The following ADA variants were observed in gnomAD, a reference collection of about 807,000 sequenced individuals.
ADA encodes the protein adenosine aminohydrolase.
In ADA, 45 loss-of-function variants were observed where a neutral mutation model predicts 49.0. The observed-to-expected ratio is 0.92, with a 90% CI of 0.72 to 1.18. The LOEUF is 1.18. Ranked by LOEUF, ADA falls within the 50% of genes most tolerant of loss-of-function variation. ADA has a pLI of 0.00. For missense variants in ADA, 445 were observed against 472.5 expected (o/e 0.94, Z 0.54); for synonymous variants, 173 against 184.2 (o/e 0.94, Z 0.49).
rs1438032982 is a variant in ADA, at chr20:44,619,746, T to G, written c.*88A>C. The G allele has an allele frequency of 6.5e-6, 10 of 1,547,748 alleles. No homozygotes were observed. The highest frequency in any genetic ancestry group is 5.0e-5 in the Admixed American group (3 of 59,848). ...GTAACTGACTATTGAGATCATGGTC[T>G]TCTTGGAAGGAATAAATGTAAAAAT... is the stretch of plus-strand genomic sequence containing the variant. On this transcript the variant is annotated 3_prime_UTR_variant, in exon 12 of 12. Coordinates refer to ENST00000372874, the MANE Select transcript of ADA (RefSeq NM_000022.4).
rs774510141 is a variant in ADA, at chr20:44,626,471, G to T, written c.347C>A (p.Pro116His). Residue 116 changes from proline to histidine, a missense_variant, in exon 4 of 12, where the codon CCC (proline) becomes CAC (histidine). Transcript: ENST00000372874. ...LLANSKVEPI[P>H]WNQAEGDLTP... Reference sequence around the variant, plus strand: ...CATCACTCACTCAGCCTGGTTCCAGGGGATTGGCTCCACTTTGGAGTTGGC... The same window carrying T: ...CATCACTCACTCAGCCTGGTTCCAGTGGATTGGCTCCACTTTGGAGTTGGC... 6.2e-7 allele frequency: 1 copy of T among 1,613,982 alleles called. No individual in the cohort carries two copies. The highest frequency in any genetic ancestry group is 1.7e-5 in the Admixed American group (1 of 60,022).
Position 44,619,630 on chromosome 20 carries a change from C to T in ADA, c.*204G>A, listed in dbSNP as rs2123504596. On this transcript the variant is annotated 3_prime_UTR_variant, in exon 12 of 12. Transcript: ENST00000372874. ...CATGCCCATGTGCAAGGGCGCTGGT[C>T]CCTGGCCAGGGCACATAATCAGAGA... is the stretch of plus-strand genomic sequence containing the variant. The T allele has an allele frequency of 1.6e-6, 1 of 643,016 alleles. No homozygotes were observed. 39.8% of individuals were successfully genotyped at this position (643,016 alleles called of 1,614,324 possible).
At chr20:44,632,773 A>G (rs58238844) in intron 2 of ADA, among the ~76,000 whole-genome samples, 9,517 of 152,158 alleles carry the variant, frequency 0.063, 638 homozygotes, top group Admixed American at 0.16. Context: ...ACTCACTGCA[A>G]CCTTCACCTC....
At chr20:44,634,798 G>A (rs57860639) in intron 2 of ADA, among the ~76,000 whole-genome samples, 54 of 152,342 alleles carry the variant, frequency 3.5e-4, no homozygotes, top group Admixed American at 2.9e-3. Context: ...GCAACCCCCC[G>A]GGATCCCTCA....
At chr20:44,630,468 A>C (rs561970817) in intron 2 of ADA, among the ~76,000 whole-genome samples, 1 of 152,366 alleles carries the variant, frequency 6.6e-6, no homozygotes, top group East Asian at 1.9e-4. Flanking sequence ...AAAACAAAAA[A>C]GACATGAATA....
At chr20:44,651,468 GC>G in intron 1 of ADA, 106 bp downstream of exon 1, 2 of 1,117,296 alleles carry the variant, frequency 1.8e-6, no homozygotes, top group African/African-American at 1.6e-5. Flanking sequence ...GCCTGCAGGA[GC>G]CCCCGTTCGT....
At chr20:44,627,112 T>C (rs1364967902) in intron 3 of ADA, among the ~76,000 whole-genome samples, 1 of 151,328 alleles carries the variant, frequency 6.6e-6, no homozygotes, top group Non-Finnish European at 1.5e-5. Context: ...ACACTGCGTC[T>C]CTCCCGCTCC....
chr20:44,630,345 C>CA (rs560993696), intron 2 of ADA, among the ~76,000 whole-genome samples: 368 of 77,172 alleles, frequency 4.8e-3, no homozygotes, highest in South Asian at 0.027. Flanking sequence ...CTCTGTATCA[C>CA]AAAAAAAAAA....
At chr20:44,629,912 G>A (rs898908100) in intron 2 of ADA, among the ~76,000 whole-genome samples, 1 of 151,994 alleles carries the variant, frequency 6.6e-6, no homozygotes, top group African/African-American at 2.4e-5. Context: ...GCTCAGGGGG[G>A]CTCCCTCTCT....
intron 2 of ADA, among the ~76,000 whole-genome samples, chr20:44,629,686 G>A (rs772082623): frequency 2.0e-5 from 3 of 152,160 alleles, no homozygotes; most frequent in Non-Finnish European, 4.4e-5. Flanking sequence ...CCAGCCCAGC[G>A]CACTGGGAGA....
chr20:44,627,091 G>T (rs185178188), intron 3 of ADA, among the ~76,000 whole-genome samples: 2 of 151,450 alleles, frequency 1.3e-5, no homozygotes, highest in African/African-American at 4.9e-5. Context: ...GCTCTTCCCC[G>T]ATACTGTCCT....
chr20:44,623,160 A>T (rs1392259410), intron 6 of ADA, 82 bp from the exon 7 acceptor site: 3 of 1,597,140 alleles, frequency 1.9e-6, no homozygotes, highest in Non-Finnish European at 2.6e-6. Context: ...GTGGAGATTG[A>T]ACCATCCTAG....
At chr20:44,629,237 T>G in intron 2 of ADA, 68 bp from the exon 3 acceptor site, 3 of 1,608,084 alleles carry the variant, frequency 1.9e-6, no homozygotes, top group Non-Finnish European at 2.6e-6. Context: ...CAGGCCAGGA[T>G]GGAGCAGACT....
intron 9 of ADA, among the ~76,000 whole-genome samples, chr20:44,621,629 G>A (rs566090961): frequency 1.9e-4 from 29 of 152,228 alleles, no homozygotes; most frequent in Admixed American, 1.2e-3. Context: ...GACCATAATC[G>A]ACTTGCATAG....
At chr20:44,624,098 C>T (rs1052236694) in intron 6 of ADA, 104 bp downstream of exon 6, 4 of 1,492,368 alleles carry the variant, frequency 2.7e-6, no homozygotes, top group Non-Finnish European at 3.6e-6. Flanking sequence ...CACTTCAGAA[C>T]TCAGGAGACA....
At chr20:44,630,301 T>C (rs553526558) in intron 2 of ADA, among the ~76,000 whole-genome samples, 1 of 149,870 alleles carries the variant, frequency 6.7e-6, no homozygotes, top group East Asian at 2.0e-4. Context: ...GCCGAGATCA[T>C]GCTACTGCAC....
chr20:44,643,245 C>T (rs2065554838), intron 1 of ADA, among the ~76,000 whole-genome samples: 1 of 152,180 alleles, frequency 6.6e-6, no homozygotes, highest in South Asian at 2.1e-4. Context: ...TTCATCCTTA[C>T]AACCAGCAAG....
At chr20:44,637,590 G>A (rs2065492200) in intron 1 of ADA, among the ~76,000 whole-genome samples, 1 of 152,200 alleles carries the variant, frequency 6.6e-6, no homozygotes. Flanking sequence ...ATGGAGAGCT[G>A]GATAAGAAAG....
intron 2 of ADA, 161 bp downstream of exon 2, chr20:44,636,066 G>A: frequency 2.8e-6 from 2 of 714,328 alleles, no homozygotes; most frequent in Non-Finnish European, 5.0e-6. Flanking sequence ...CAGTGCTGAG[G>A]CCTCCATGTC....
Sources: allele counts gnomAD v4.1 joint callset (sites outside exome capture counted in the v4.1 genomes callset), GRCh38; gene constraint gnomAD v4.1.1; transcripts MANE v1.5; gene names NCBI Gene and HGNC (gene_info 2026-07-23, HGNC 2026-07-21).